Variants in FBXO22 observed in about 807,000 individuals in gnomAD.
FBXO22 encodes the protein F-box protein 22.
In FBXO22, 13 loss-of-function variants were observed where a neutral mutation model predicts 37.2. That is an observed-to-expected ratio of 0.35 (90% confidence interval 0.23 to 0.56). The LOEUF (loss-of-function observed/expected upper bound fraction) is 0.56, where lower values mean the gene tolerates loss of function less well. Ranked by LOEUF, FBXO22 falls within the 20% of genes least tolerant of loss-of-function variation. The probability of loss-of-function intolerance (pLI) is 0.87; values close to 1 mark genes in which losing one functional copy is unlikely to be tolerated. For missense variants in FBXO22, 446 were observed against 509.9 expected, an observed-to-expected ratio of 0.87 and a Z score of 1.21; for synonymous variants, 189 against 189.1, an observed-to-expected ratio of 1.00 and a Z score of 0.00.
rs1412058620 is a variant in FBXO22, at chr15:75,933,550, G to GA, written c.*451dup. The GA allele has an allele frequency of 1.2e-4, 20 of 170,986 alleles. No individual in the cohort carries two copies. The highest frequency in any genetic ancestry group is 1.3e-5 in the Non-Finnish European group (1 of 79,610). 10.6% of individuals were successfully genotyped at this position (170,986 alleles called of 1,614,324 possible). ...GGAGAAAAATATACTGATGGCTGGA[G>GA]AAATTTTTCTCTGCCTTTCAGTTTT... On this transcript the variant is annotated 3_prime_UTR_variant, in exon 7 of 7. Coordinates refer to ENST00000308275, the MANE Select transcript of FBXO22 (RefSeq NM_147188.3).
chr15:75,920,593 G>A (rs1900295735), intron 5 of FBXO22, among the ~76,000 whole-genome samples: 4 of 152,098 alleles, frequency 2.6e-5, no homozygotes, highest in Admixed American at 2.6e-4. Flanking sequence ...AAGCTGAGGC[G>A]GGAGGATCGC....
In FBXO22 at chr15:75,933,200, G is replaced by C; in HGVS notation, c.*98G>C. The C allele has an allele frequency of 9.8e-7, 1 of 1,018,196 alleles. No individual in the cohort carries two copies. The highest frequency in any genetic ancestry group is 1.4e-6 in the Non-Finnish European group (1 of 698,628). 63.1% of individuals were successfully genotyped at this position (1,018,196 alleles called of 1,614,324 possible). Reference sequence around the variant, plus strand: ...TGTATTTCAAACAAAAATAACTTTAGATATATCTTTTTTGTAGCTTTGATT... The same window carrying C: ...TGTATTTCAAACAAAAATAACTTTACATATATCTTTTTTGTAGCTTTGATT... On this transcript the variant is annotated 3_prime_UTR_variant, in exon 7 of 7. Transcript: ENST00000308275.
intron 2 of FBXO22, among the ~76,000 whole-genome samples, chr15:75,906,383 A>T (rs780553089): frequency 3.7e-4 from 56 of 152,166 alleles, no homozygotes; most frequent in Non-Finnish European, 6.2e-4. Context: ...ATGTATATAC[A>T]TGCATGTGTA....
chr15:75,921,315 C>T (rs773008819), intron 5 of FBXO22, among the ~76,000 whole-genome samples: 1 of 152,140 alleles, frequency 6.6e-6, no homozygotes, highest in Non-Finnish European at 1.5e-5. Context: ...GCCCTGTATA[C>T]TACTATATAG....
rs1291689493 is a variant in FBXO22, at chr15:75,936,927, G to A, written c.*3825G>A. The A allele has an allele frequency of 1.3e-5, 2 of 152,048 alleles. No homozygotes were observed. The highest frequency in any genetic ancestry group is 4.8e-5 in the African/African-American group (2 of 41,364). 9.4% of individuals were successfully genotyped at this position (152,048 alleles called of 1,614,324 possible). A position where few individuals can be genotyped will look rare whatever the true frequency, so the allele number is the denominator to read the frequency against. The stretch of plus-strand genomic sequence containing the variant: ...TAAAAGTTTTTGCTATATAGTGACT[G>A]TTAGCCAGTAAAAACAGGGAAGATT... On this transcript the variant is annotated 3_prime_UTR_variant, in exon 7 of 7. Coordinates refer to ENST00000308275, the MANE Select transcript of FBXO22 (RefSeq NM_147188.3).
chr15:75,936,588 T>A lies in FBXO22; in HGVS notation c.*3486T>A, dbSNP rs2030359541. ...AATATTTTGGTATGGAAACTTTTTTTTTTTTGAGAGAGTTTTGCTCTTGTT... is the reference window on the plus strand; with the variant it reads ...AATATTTTGGTATGGAAACTTTTTTATTTTTGAGAGAGTTTTGCTCTTGTT... On this transcript the variant is annotated 3_prime_UTR_variant, in exon 7 of 7. Transcript: ENST00000308275. 6.6e-6 allele frequency: 1 copy of A among 152,202 alleles called. No individual in the cohort carries two copies. The highest frequency in any genetic ancestry group is 6.5e-5 in the Admixed American group (1 of 15,278). The allele number at this position is 152,202 out of a possible 1,614,324, so 9.4% of individuals were successfully genotyped here.
At chr15:75,914,728 C>G (rs915853015) in intron 4 of FBXO22, among the ~76,000 whole-genome samples, 1 of 152,068 alleles carries the variant, frequency 6.6e-6, no homozygotes, top group African/African-American at 2.4e-5. Flanking sequence ...AGGAGAGATT[C>G]TGTTGAGGCA....
intron 3 of FBXO22, 34 bp from the exon 4 acceptor site, chr15:75,914,076 T>G: frequency 1.4e-6 from 2 of 1,454,024 alleles, no homozygotes; most frequent in Non-Finnish European, 1.9e-6. Context: ...TTTAAATGGA[T>G]GATATTTATC....
rs2030189992 is a variant in FBXO22 at position 75,934,425 on chromosome 15, T to C, written c.*1323T>C. On this transcript the variant is annotated 3_prime_UTR_variant, in exon 7 of 7. Transcript: ENST00000308275. ...CTAATACAGTATGATGTAACTAATGTTACTTTTGTAACAGTCAGTGGTTTG... is the reference window on the plus strand; with the variant it reads ...CTAATACAGTATGATGTAACTAATGCTACTTTTGTAACAGTCAGTGGTTTG... 1 of 152,258 alleles carries C rather than the reference T, an allele frequency of 6.6e-6. No homozygotes were observed. The highest frequency in any genetic ancestry group is 1.5e-5 in the Non-Finnish European group (1 of 68,044). 9.4% of individuals were successfully genotyped at this position (152,258 alleles called of 1,614,324 possible).
At chr15:75,910,863 C>T (rs776028665) in intron 2 of FBXO22, among the ~76,000 whole-genome samples, 1 of 152,096 alleles carries the variant, frequency 6.6e-6, no homozygotes, top group Non-Finnish European at 1.5e-5. Context: ...AATGGTATTG[C>T]CTAGATGTTC....
chr15:75,923,765 AT>A (rs898438546), intron 5 of FBXO22, among the ~76,000 whole-genome samples: 6 of 152,120 alleles, frequency 3.9e-5, no homozygotes, highest in African/African-American at 1.2e-4. Flanking sequence ...AGTTAAAATA[AT>A]TTTTTTTAAA....
At position 75,904,969 on chromosome 15, in the gene FBXO22, G is replaced by A. The variant is rs560400559; in HGVS notation, c.279+340G>A. Among the ~76,000 whole-genome samples, 585 of 152,050 alleles carry A rather than the reference G, an allele frequency of 3.8e-3. 3 individuals carry two copies. The highest frequency in any genetic ancestry group is 0.013 in the African/African-American group (541 of 41,480). On this transcript the variant is annotated intron_variant, in intron 2 of 6. Transcript: ENST00000308275. ...CTCCCGAGTAGCTGGGACTACAGGC[G>A]CCCGCCACCATGCCCAGCTAATTTT...
intron 2 of FBXO22, among the ~76,000 whole-genome samples, chr15:75,909,728 T>C (rs1170802728): frequency 8.6e-5 from 13 of 151,748 alleles, no homozygotes; most frequent in Admixed American, 7.2e-4. Context: ...AATGCCAACA[T>C]TGACCTGAAA....
intron 5 of FBXO22, among the ~76,000 whole-genome samples, chr15:75,929,044 C>T (rs144610854): frequency 3.0e-4 from 46 of 152,272 alleles, no homozygotes; most frequent in Admixed American, 6.5e-4. Context: ...GAAATTTATT[C>T]TGCACAGTTC....
rs887836463 is a variant in FBXO22 at position 75,914,195 on chromosome 15, A to G, written c.453A>G (p.Pro151=). 4 of 1,611,524 alleles carry G rather than the reference A, an allele frequency of 2.5e-6. No homozygotes were observed. Among genetic ancestry groups the G allele is most frequent in the Non-Finnish European group, 3.4e-6 (4 of 1,178,306 alleles). Residue 151 remains proline, a synonymous_variant, in exon 4 of 7, where the codon CCA becomes CCG. Transcript: ENST00000308275. ...GCCAAGTCCTTGGGATTGTGACCCC[A>G]GGAATTGTAGGTGAGATAAATTAGC... ...KQCQVLGIVT[P]GIVVTPMGSG...
chr15:75,932,763 C>T lies in FBXO22; in HGVS notation c.873C>T (p.Leu291=), dbSNP rs1042197778. The change falls in exon 7 of 7, where the codon CTC becomes CTT. Residue 291 remains leucine (L), a synonymous_variant. Coordinates refer to ENST00000308275, the MANE Select transcript of FBXO22 (RefSeq NM_147188.3). The part of the protein sequence containing the change: ...SGHRIQSATV[L]LNEDVSDEKT... ...ACCGAATCCAGAGTGCCACTGTGCTCCTCAACGAGGACGTCAGTGATGAGA... is the reference window on the plus strand; with the variant it reads ...ACCGAATCCAGAGTGCCACTGTGCTTCTCAACGAGGACGTCAGTGATGAGA... The T allele has an allele frequency of 6.2e-7, 1 of 1,614,208 alleles. No homozygotes were observed. Among genetic ancestry groups the T allele is most frequent in the African/African-American group, 1.3e-5 (1 of 75,060 alleles).
chr15:75,920,068 A>G (rs1376558402), intron 5 of FBXO22, among the ~76,000 whole-genome samples: 3 of 152,228 alleles, frequency 2.0e-5, no homozygotes, highest in Admixed American at 6.5e-5. Context: ...CCTTTGGGAA[A>G]AGGTCAGATA....
chr15:75,904,239 C>T (rs1899866996), intron 1 of FBXO22, 136 bp downstream of exon 1: 2 of 1,275,810 alleles, frequency 1.6e-6, no homozygotes, highest in African/African-American at 1.5e-5. Context: ...CTGAGGTGAC[C>T]CCCTACCCGC....
At chr15:75,909,451 A>C (rs1240643015) in intron 2 of FBXO22, among the ~76,000 whole-genome samples, 1 of 152,178 alleles carries the variant, frequency 6.6e-6, no homozygotes, top group Non-Finnish European at 1.5e-5. Context: ...GGAGGCTTGG[A>C]GTATTTGATT....
Sources: gnomAD v4.1 joint callset for allele counts (sites outside exome capture counted in the v4.1 genomes callset) on GRCh38, gnomAD v4.1.1 for gene constraint, MANE v1.5 for transcripts, NCBI Gene and HGNC (gene_info 2026-07-23, HGNC 2026-07-21) for gene names.